RAB27B: variants seen among roughly 807,000 people sequenced by gnomAD.
RAB27B encodes the protein RAB27B, member RAS oncogene family.
RAB27B carries 15 observed loss-of-function variants against 24.6 expected under a neutral mutation model. The observed-to-expected ratio is 0.61, with a 90% confidence interval of 0.41 to 0.94. The LOEUF (loss-of-function observed/expected upper bound fraction) is 0.94, where lower values mean the gene tolerates loss of function less well. RAB27B is among the 40% of genes least tolerant of loss of function. The probability of loss-of-function intolerance (pLI) is 0.00; values close to 1 mark genes in which losing one functional copy is unlikely to be tolerated. For synonymous variants in RAB27B, 105 were observed against 92.5 expected, an observed-to-expected ratio of 1.14 and a Z score of -0.78; for missense variants, 261 against 266.8, an observed-to-expected ratio of 0.98 and a Z score of 0.15.
At chr18:54,724,552 C>T (rs980892984) in intron 2 of RAB27B, among the ~76,000 whole-genome samples, 3 of 151,176 alleles carry the variant, frequency 2.0e-5, no homozygotes, top group African/African-American at 4.9e-5. Flanking sequence ...GGTGAAACTC[C>T]GTCCCTAATA....
At chr18:54,850,357 T>TATATATATATACACATAC in intron 1 of RAB27B, among the ~76,000 whole-genome samples, 1 of 130,564 alleles carries the variant, frequency 7.7e-6, no homozygotes, top group Admixed American at 7.7e-5. Context: ...TATATATATA[T>TATATATATATACACATAC]ATACATACAT....
chr18:54,746,147 A>G (rs1910240888), intron 2 of RAB27B, among the ~76,000 whole-genome samples: 1 of 152,174 alleles, frequency 6.6e-6, no homozygotes, highest in African/African-American at 2.4e-5. Context: ...TTGTTTGAGA[A>G]GACTGAAATT....
chr18:54,813,061 T>A (rs1225691981), intron 2 of RAB27B, among the ~76,000 whole-genome samples: 2 of 152,218 alleles, frequency 1.3e-5, no homozygotes, highest in East Asian at 1.9e-4. Context: ...CTTGTTCTCA[T>A]GCTGCTTTCG....
intron 2 of RAB27B, among the ~76,000 whole-genome samples, chr18:54,781,406 A>T (rs1908914366): frequency 6.6e-6 from 1 of 151,876 alleles, no homozygotes; most frequent in Non-Finnish European, 1.5e-5. Context: ...CCTGAATTTG[A>T]CCACACTTTA....
At chr18:54,740,359 G>A (rs1185312394) in intron 2 of RAB27B, among the ~76,000 whole-genome samples, 1 of 152,154 alleles carries the variant, frequency 6.6e-6, no homozygotes, top group African/African-American at 2.4e-5. Flanking sequence ...AGGAAATGAT[G>A]AGTCATTCTT....
At chr18:54,729,239 A>G (rs1246074053) in intron 2 of RAB27B, among the ~76,000 whole-genome samples, 1 of 152,186 alleles carries the variant, frequency 6.6e-6, no homozygotes, top group Non-Finnish European at 1.5e-5. Context: ...AAAGGGAAGC[A>G]TAAATACAAG....
intron 2 of RAB27B, among the ~76,000 whole-genome samples, chr18:54,805,187 C>T (rs1909752985): frequency 6.6e-6 from 1 of 151,998 alleles, no homozygotes; most frequent in Non-Finnish European, 1.5e-5. Context: ...ACTTCCCTTA[C>T]ACTCAGCTCT....
At chr18:54,881,630 A>G (rs1912927991) in intron 3 of RAB27B, among the ~76,000 whole-genome samples, 1 of 152,066 alleles carries the variant, frequency 6.6e-6, no homozygotes, top group Admixed American at 6.5e-5. Context: ...AACTCTTTGG[A>G]ACATGGTTTC....
chr18:54,883,550 C>T (rs1913011882), intron 3 of RAB27B, among the ~76,000 whole-genome samples: 1 of 152,142 alleles, frequency 6.6e-6, no homozygotes, highest in African/African-American at 2.4e-5. Context: ...AATCTCAGCA[C>T]ATCTTTAACT....
intron 1 of RAB27B, among the ~76,000 whole-genome samples, chr18:54,845,761 A>G (rs1022444242): frequency 6.6e-6 from 1 of 152,196 alleles, no homozygotes; most frequent in Non-Finnish European, 1.5e-5. Context: ...ATTGTTGTAA[A>G]TATGTTAATT....
chr18:54,808,543 C>T (rs1367261684), intron 2 of RAB27B, among the ~76,000 whole-genome samples: 2 of 152,182 alleles, frequency 1.3e-5, no homozygotes, highest in South Asian at 4.1e-4. Flanking sequence ...TTATCAGCCT[C>T]CACAAATAAA....
chr18:54,733,658 C>T (rs142484364), intron 2 of RAB27B, among the ~76,000 whole-genome samples: 1 of 137,114 alleles, frequency 7.3e-6, no homozygotes, highest in African/African-American at 2.6e-5. Flanking sequence ...GAGCCCCCCC[C>T]CCCCAAATTT....
chr18:54,810,854 A>G (rs1909939567), intron 2 of RAB27B, among the ~76,000 whole-genome samples: 1 of 149,896 alleles, frequency 6.7e-6, no homozygotes, highest in Admixed American at 6.7e-5. Context: ...ATAAATAAAT[A>G]AATAAATAAA....
chr18:54,837,792 A>T (rs147765570), intron 1 of RAB27B, among the ~76,000 whole-genome samples: 13 of 152,146 alleles, frequency 8.5e-5, no homozygotes, highest in Non-Finnish European at 1.6e-4. Flanking sequence ...ATATGTGTGT[A>T]TATATATGTA....
At position 54,844,079 on chromosome 18, in the gene RAB27B, G is replaced by A. The variant is rs184652644; in HGVS notation, c.-20+15379G>A. On this transcript the variant is annotated intron_variant, in intron 1 of 5. Coordinates refer to ENST00000262094, the MANE Select transcript of RAB27B (RefSeq NM_004163.4). ...TCTGAGATAATAAGGGTGCCACTTC[G>A]AGAACTGAGCAAAGTTCATGAATAA... is the stretch of plus-strand genomic sequence containing the variant. 5.3e-5 allele frequency among the ~76,000 whole-genome samples: 8 copies of A among 152,254 alleles called. No homozygotes were observed. The East Asian group carries it at 9.7e-4, about 18-fold the overall frequency.
chr18:54,875,707 C>T (rs1912668622), intron 1 of RAB27B, among the ~76,000 whole-genome samples: 1 of 152,124 alleles, frequency 6.6e-6, no homozygotes, highest in African/African-American at 2.4e-5. Flanking sequence ...AAGAAACATA[C>T]ATTCATAATA....
intron 1 of RAB27B, among the ~76,000 whole-genome samples, chr18:54,871,860 A>G (rs1912481773): frequency 6.6e-6 from 1 of 151,858 alleles, no homozygotes; most frequent in Non-Finnish European, 1.5e-5. Context: ...AAAAAAAAAA[A>G]AAAAAAAAAG....
chr18:54,774,996 A>T (rs1334371006), intron 2 of RAB27B, among the ~76,000 whole-genome samples: 2 of 152,226 alleles, frequency 1.3e-5, no homozygotes, highest in African/African-American at 4.8e-5. Flanking sequence ...ATGAATAAAC[A>T]CAAAAAAAGC....
intron 1 of RAB27B, chr18:54,718,029 T>A (rs1186551844): frequency 6.6e-6 from 1 of 152,218 alleles, no homozygotes; most frequent in African/African-American, 2.4e-5. Flanking sequence ...GTCCAGCACC[T>A]ATTGGGTTAC....
Sources: gnomAD v4.1 joint callset for allele counts (sites outside exome capture counted in the v4.1 genomes callset) on GRCh38, gnomAD v4.1.1 for gene constraint, MANE v1.5 for transcripts, NCBI Gene and HGNC (gene_info 2026-07-23, HGNC 2026-07-21) for gene names.